Variants in TESMIN observed in about 807,000 individuals in gnomAD.
The protein encoded by TESMIN is testis expressed metallothionein like protein.
In TESMIN, 34 loss-of-function variants were observed where a neutral mutation model predicts 47.4. The ratio of observed to expected loss-of-function variants is 0.72; its 90% confidence interval spans 0.55 to 0.96. The LOEUF (loss-of-function observed/expected upper bound fraction) is 0.96, where lower values mean the gene tolerates loss of function less well. TESMIN is among the 40% of genes least tolerant of loss of function. TESMIN has a pLI of 0.00. For synonymous variants in TESMIN, 278 were observed against 258.9 expected (o/e 1.07, Z -0.71); for missense variants, 610 against 637.2 (o/e 0.96, Z 0.46).
At chr11:68,742,624 C>A (rs1328467551) in intron 4 of TESMIN, among the ~76,000 whole-genome samples, 1 of 152,186 alleles carries the variant, frequency 6.6e-6, no homozygotes, top group African/African-American at 2.4e-5. Flanking sequence ...GCTACTTGAT[C>A]TGAGCTTCCA....
intron 6 of TESMIN, among the ~76,000 whole-genome samples, chr11:68,717,192 G>C (rs182870548): frequency 6.6e-6 from 1 of 152,342 alleles, no homozygotes; most frequent in African/African-American, 2.4e-5. Context: ...ATATTTTAAT[G>C]TCAAGTCAAC....
At chr11:68,726,921 T>A (rs989790357) in intron 6 of TESMIN, among the ~76,000 whole-genome samples, 1 of 150,300 alleles carries the variant, frequency 6.7e-6, no homozygotes, top group African/African-American at 2.5e-5. Flanking sequence ...CTAAAAAAAA[T>A]AAAAATAAAA....
intron 6 of TESMIN, among the ~76,000 whole-genome samples, chr11:68,731,849 T>G (rs1386965241): frequency 6.6e-6 from 1 of 152,202 alleles, no homozygotes; most frequent in African/African-American, 2.4e-5. Flanking sequence ...CAAACTTTAT[T>G]AGTATTTCCA....
At chr11:68,736,935 A>T (rs1000639576) in intron 6 of TESMIN, 1 of 985,440 alleles carries the variant, frequency 1.0e-6, no homozygotes. Context: ...CGGCTGCAAC[A>T]CATAGAAGCC....
At chr11:68,740,531 T>C (rs963023606) in intron 5 of TESMIN, among the ~76,000 whole-genome samples, 1 of 152,128 alleles carries the variant, frequency 6.6e-6, no homozygotes, top group Non-Finnish European at 1.5e-5. Flanking sequence ...GACTGGTGGC[T>C]GAAACAGCAG....
intron 6 of TESMIN, among the ~76,000 whole-genome samples, chr11:68,735,852 C>T (rs560540936): frequency 3.3e-5 from 5 of 152,232 alleles, no homozygotes; most frequent in African/African-American, 4.8e-5. Context: ...AAGGTTTCTT[C>T]ACTATTACTC....
chr11:68,750,147 G>T, intron 2 of TESMIN, 43 bp downstream of exon 2: 2 of 1,389,684 alleles, frequency 1.4e-6, no homozygotes, highest in South Asian at 1.5e-5. Flanking sequence ...GGTTGGGGAA[G>T]GGATGGAGGG....
chr11:68,738,266 G>A, intron 6 of TESMIN: 4 of 999,440 alleles, frequency 4.0e-6, no homozygotes, highest in Non-Finnish European at 3.6e-6. Context: ...AGCCAACTCA[G>A]CATGGAAGGC....
intron 6 of TESMIN, chr11:68,736,047 C>A (rs1227212899): frequency 3.1e-6 from 3 of 976,802 alleles, no homozygotes; most frequent in Non-Finnish European, 3.6e-6. Context: ...GAGATGTGGA[C>A]AACTCTGCCT....
chr11:68,717,396 C>T (rs1946152764), intron 6 of TESMIN, among the ~76,000 whole-genome samples: 1 of 152,114 alleles, frequency 6.6e-6, no homozygotes, highest in South Asian at 2.1e-4. Flanking sequence ...AAGTGTGGAT[C>T]CCTGAAAGGC....
In TESMIN at chr11:68,708,174, A is replaced by G; in HGVS notation, c.*134T>C. The G allele has an allele frequency of 1.2e-6, 1 of 839,784 alleles. No individual in the cohort carries two copies. The allele number at this position is 839,784 out of a possible 1,614,324, so 52.0% of individuals were successfully genotyped here. A position where few individuals can be genotyped will look rare whatever the true frequency, so the allele number is the denominator to read the frequency against. On this transcript the variant is annotated 3_prime_UTR_variant, in exon 10 of 10. Coordinates refer to ENST00000255087, the MANE Select transcript of TESMIN (RefSeq NM_004923.3). The stretch of plus-strand genomic sequence containing the variant: ...GCCACATCTTCAGAGAGCTCTGAGT[A>G]AACTCCCTGGGCCCAGGGATGCAGG...
At chr11:68,735,033 G>C in intron 6 of TESMIN, among the ~76,000 whole-genome samples, 1 of 152,234 alleles carries the variant, frequency 6.6e-6, no homozygotes, top group South Asian at 2.1e-4. Context: ...TGCTAACTTT[G>C]ACTGCTTCTG....
intron 5 of TESMIN, among the ~76,000 whole-genome samples, chr11:68,741,890 AAG>A (rs1946461591): frequency 6.6e-6 from 1 of 152,244 alleles, no homozygotes; most frequent in African/African-American, 2.4e-5. Context: ...ACTCGGGAAA[AAG>A]AGCGTATTTG....
chr11:68,710,767 G>T, intron 9 of TESMIN, 107 bp downstream of exon 9: 1 of 1,114,274 alleles, frequency 9.0e-7, no homozygotes, highest in Non-Finnish European at 1.3e-6. Flanking sequence ...ACACACGCCC[G>T]CCCCTGCAGG....
intron 6 of TESMIN, among the ~76,000 whole-genome samples, chr11:68,717,407 G>A (rs938079957): frequency 3.9e-5 from 6 of 151,982 alleles, no homozygotes; most frequent in Admixed American, 1.3e-4. Context: ...CCTGAAAGGC[G>A]AGCTCCCCAA....
Position 68,715,914 on chromosome 11 carries a change from C to T in TESMIN, c.943G>A (p.Asp315Asn). ...TTACAATTGCAGTTGTTGCAAAAGT[C>T]CCCACTGGCAAAGCAGTCACAGTAC... The part of the protein sequence containing the change: ...AGYCDCFASG[D>N]FCNNCNCNNC... Residue 315 changes from aspartate (D) to asparagine (N), a missense_variant, in exon 7 of 10, where the codon GAC (aspartate) becomes AAC (asparagine). Coordinates refer to ENST00000255087, the MANE Select transcript of TESMIN (RefSeq NM_004923.3). 6.2e-7 allele frequency: 1 copy of T among 1,612,736 alleles called. No individual in the cohort carries two copies. Among genetic ancestry groups the T allele is most frequent in the Non-Finnish European group, 8.5e-7 (1 of 1,178,852 alleles).
intron 6 of TESMIN, among the ~76,000 whole-genome samples, chr11:68,723,707 T>G (rs1265697975): frequency 6.6e-6 from 1 of 152,064 alleles, no homozygotes; most frequent in Non-Finnish European, 1.5e-5. Flanking sequence ...AGGCCATAAT[T>G]ATAGATACAG....
chr11:68,708,077 C>T lies in TESMIN; in HGVS notation c.*231G>A. 1 of 531,440 alleles carries T rather than the reference C, an allele frequency of 1.9e-6. No homozygotes were observed. 32.9% of individuals were successfully genotyped at this position (531,440 alleles called of 1,614,324 possible). On this transcript the variant is annotated 3_prime_UTR_variant, in exon 10 of 10. Coordinates refer to ENST00000255087, the MANE Select transcript of TESMIN (RefSeq NM_004923.3). Reference sequence around the variant, plus strand: ...GACACTCTCCCAGGACTATGGGAACCCAAGCTCTCTCCTCTGGGCCAGACA... The same window carrying T: ...GACACTCTCCCAGGACTATGGGAACTCAAGCTCTCTCCTCTGGGCCAGACA...
At chr11:68,745,604 C>T (rs928304644) in intron 3 of TESMIN, among the ~76,000 whole-genome samples, 2 of 152,366 alleles carry the variant, frequency 1.3e-5, no homozygotes, top group Admixed American at 6.5e-5. Flanking sequence ...TCCAACTGTC[C>T]TTTCCTGCCA....
Sources: allele counts gnomAD v4.1 joint callset (sites outside exome capture counted in the v4.1 genomes callset), GRCh38; gene constraint gnomAD v4.1.1; transcripts MANE v1.5; gene names NCBI Gene and HGNC (gene_info 2026-07-23, HGNC 2026-07-21).